Variants in CSMD1 observed in about 807,000 individuals in gnomAD.
The protein encoded by CSMD1 is CUB and sushi domain-containing protein 1.
Under a neutral mutation model 417.5 loss-of-function variants are expected in CSMD1, and 213 were observed. That is an observed-to-expected ratio of 0.51 (90% CI 0.46 to 0.57). The LOEUF (loss-of-function observed/expected upper bound fraction) is 0.57. CSMD1 is among the 20% of genes least tolerant of loss of function. CSMD1 has a pLI of 0.00. For missense variants in CSMD1, 6,923 were observed against 4,529.7 expected (o/e 1.53, Z -15.17); for synonymous variants, 2,862 against 1,736.8 (o/e 1.65, Z -16.11).
At chr8:3,245,764 G>T (rs1299636206) in intron 26 of CSMD1, among the ~76,000 whole-genome samples, 3 of 152,308 alleles carry the variant, frequency 2.0e-5, no homozygotes, top group South Asian at 2.1e-4. Flanking sequence ...AACGGACTAT[G>T]TGTTGACCAA....
chr8:4,156,901 T>C (rs1032651549), intron 3 of CSMD1, among the ~76,000 whole-genome samples: 2 of 152,180 alleles, frequency 1.3e-5, no homozygotes, highest in Admixed American at 1.3e-4. Context: ...AGTGCATTTT[T>C]CTTACCTCTC....
chr8:3,580,384 A>C (rs1385673231), intron 9 of CSMD1, among the ~76,000 whole-genome samples: 1 of 152,140 alleles, frequency 6.6e-6, no homozygotes, highest in Non-Finnish European at 1.5e-5. Context: ...ATGGACAGTC[A>C]CAGGGATACC....
chr8:3,056,908 A>G (rs1812268619), intron 49 of CSMD1, among the ~76,000 whole-genome samples: 1 of 152,242 alleles, frequency 6.6e-6, no homozygotes, highest in South Asian at 2.1e-4. Flanking sequence ...AGAATATTCT[A>G]GATTACTATC....
chr8:4,092,370 G>A (rs1585296523), intron 3 of CSMD1, among the ~76,000 whole-genome samples: 1 of 152,152 alleles, frequency 6.6e-6, no homozygotes, highest in Non-Finnish European at 1.5e-5. Context: ...TCAGCCACCA[G>A]GGCTGCTGTG....
intron 7 of CSMD1, among the ~76,000 whole-genome samples, chr8:3,667,510 G>C (rs2117497219): frequency 1.3e-5 from 2 of 152,206 alleles, no homozygotes; most frequent in East Asian, 3.9e-4. Flanking sequence ...AGCCAACTAG[G>C]GGATGGGAGC....
At chr8:4,813,423 C>G (rs1309484520) in intron 1 of CSMD1, among the ~76,000 whole-genome samples, 13 of 152,122 alleles carry the variant, frequency 8.5e-5, no homozygotes. Context: ...CTCAGCCTAC[C>G]AGTCTGCCTT....
At chr8:3,417,357 C>G (rs1011587803) in intron 12 of CSMD1, among the ~76,000 whole-genome samples, 1 of 152,174 alleles carries the variant, frequency 6.6e-6, no homozygotes, top group Non-Finnish European at 1.5e-5. Context: ...TTTCAGACAG[C>G]TAACTTTTTA....
intron 10 of CSMD1, among the ~76,000 whole-genome samples, chr8:3,549,767 T>C (rs1032067609): frequency 3.3e-5 from 5 of 152,120 alleles, no homozygotes; most frequent in African/African-American, 1.2e-4. Context: ...TTCCTTGACT[T>C]TGAGTTTTCA....
At chr8:3,439,307 ATAT>A (rs1481401970) in intron 12 of CSMD1, among the ~76,000 whole-genome samples, 2 of 43,780 alleles carry the variant, frequency 4.6e-5, no homozygotes, top group Admixed American at 2.5e-4. Context: ...ATATATATAT[ATAT>A]TTTTTTTTTT....
At chr8:3,366,640 C>T (rs80229443) in intron 20 of CSMD1, among the ~76,000 whole-genome samples, 4,665 of 152,196 alleles carry the variant, frequency 0.031, 98 homozygotes, top group East Asian at 0.08. Flanking sequence ...TGGCACCTAC[C>T]GTAGGGTAGA....
In CSMD1 at chr8:2,965,932, G is replaced by T; in HGVS notation, c.9123C>A (p.Gly3041=). Residue 3041 remains glycine (G), a synonymous_variant, in exon 59 of 70, where the codon GGC becomes GGA. Transcript: ENST00000635120. ...DCTIISCGDP[G]TLANGIQFGT... ...CAAACTGGATGCCATTTGCTAGTGT[G>T]CCTGGATCCCCACAACTTATAACTA... 2 of 1,607,772 alleles carry T rather than the reference G, an allele frequency of 1.2e-6. No individual in the cohort carries two copies. Among genetic ancestry groups the T allele is most frequent in the Non-Finnish European group, 1.7e-6 (2 of 1,177,046 alleles).
rs762979150 is a variant in CSMD1 at position 4,834,922 on chromosome 8, A to G, written c.85+159410T>C. ...CAGTGATCTGAGATGGCGCCACTGC[A>G]CTCCAGCCTGGGCGACAGGGCCAGA... On this transcript the variant is annotated intron_variant, in intron 1 of 69. Transcript: ENST00000635120. Among the ~76,000 whole-genome samples, 94 of 127,636 alleles carry G rather than the reference A, an allele frequency of 7.4e-4. 1 individual carries two copies. The highest frequency in any genetic ancestry group is 1.2e-3 in the Non-Finnish European group (76 of 63,528). 83.7% of individuals were successfully genotyped at this position (127,636 alleles called of 152,430 possible).
At chr8:3,180,030 A>G (rs888736307) in intron 37 of CSMD1, among the ~76,000 whole-genome samples, 2 of 152,232 alleles carry the variant, frequency 1.3e-5, no homozygotes, top group Admixed American at 6.5e-5. Flanking sequence ...GTTTATCTCA[A>G]TTCAAAAGAT....
intron 5 of CSMD1, among the ~76,000 whole-genome samples, chr8:3,808,177 T>C (rs1488115599): frequency 6.6e-6 from 1 of 152,202 alleles, no homozygotes; most frequent in Non-Finnish European, 1.5e-5. Flanking sequence ...AAATGTAACC[T>C]ATTAAAATTG....
intron 3 of CSMD1, among the ~76,000 whole-genome samples, chr8:4,412,462 C>T (rs138742344): frequency 6.6e-6 from 1 of 152,310 alleles, no homozygotes; most frequent in East Asian, 1.9e-4. Flanking sequence ...AGAAGCCGGG[C>T]AGATGCCAGT....
chr8:3,034,545 CAT>C (rs1408073697), intron 50 of CSMD1, among the ~76,000 whole-genome samples: 1 of 152,036 alleles, frequency 6.6e-6, no homozygotes, highest in African/African-American at 2.4e-5. Context: ...CATAAAAACA[CAT>C]AAATATATGT....
chr8:3,944,803 C>T (rs1055869090), intron 5 of CSMD1, among the ~76,000 whole-genome samples: 13 of 152,068 alleles, frequency 8.5e-5, no homozygotes, highest in African/African-American at 1.2e-4. Flanking sequence ...TCTGTTTTTG[C>T]GTTTCTTCCC....
At chr8:4,106,975 A>T (rs1801600887) in intron 3 of CSMD1, among the ~76,000 whole-genome samples, 1 of 152,182 alleles carries the variant, frequency 6.6e-6, no homozygotes, top group African/African-American at 2.4e-5. Context: ...TACGTCAGAG[A>T]CTCAGCAGAT....
At chr8:4,908,765 A>G (rs1020491185) in intron 1 of CSMD1, among the ~76,000 whole-genome samples, 8 of 151,912 alleles carry the variant, frequency 5.3e-5, no homozygotes, top group Admixed American at 5.2e-4. Flanking sequence ...TAGAGTTTTC[A>G]TGTTTCTGCT....
Sources: allele counts gnomAD v4.1 joint callset (sites outside exome capture counted in the v4.1 genomes callset), GRCh38; gene constraint gnomAD v4.1.1; transcripts MANE v1.5; gene names NCBI Gene and HGNC (gene_info 2026-07-23, HGNC 2026-07-21).